The following FAM120B variants were observed in gnomAD, a reference collection of about 807,000 sequenced individuals.
FAM120B encodes the protein constitutive coactivator of peroxisome proliferator-activated receptor gamma.
FAM120B carries 83 observed loss-of-function variants against 96.3 expected under a neutral mutation model. That is an observed-to-expected ratio of 0.86 (90% CI 0.72 to 1.03). The LOEUF (loss-of-function observed/expected upper bound fraction) is 1.03. Among genes scored for constraint, FAM120B ranks in the 50% least tolerant of loss-of-function variants. The probability of loss-of-function intolerance (pLI) is 0.00; values close to 1 mark genes in which losing one functional copy is unlikely to be tolerated. For missense variants in FAM120B, 1,027 were observed against 1,121.2 expected (o/e 0.92, Z 1.20); for synonymous variants, 407 against 402.7 (o/e 1.01, Z -0.13).
upstream of FAM120B, among the ~76,000 whole-genome samples, chr6:170,294,278 A>T (rs1447072895): frequency 6.6e-6 from 1 of 152,224 alleles, no homozygotes; most frequent in Admixed American, 6.5e-5. This position sits in a 1 kb window ranked among gnomAD's most constrained non-coding sequence, Gnocchi z 7.9. Flanking sequence ...TTTATGTCTC[A>T]GGAAATTTAC....
upstream of FAM120B, among the ~76,000 whole-genome samples, chr6:170,293,731 CCTCCTTCTT>C (rs1225948241): frequency 6.6e-6 from 1 of 151,650 alleles, no homozygotes; most frequent in African/African-American, 2.4e-5. Flanking sequence ...TCTTCCTTCT[CCTCCTTCTT>C]CTCCTTCTTC....
intron 4 of FAM120B, among the ~76,000 whole-genome samples, chr6:170,338,932 T>C (rs1297614115): frequency 6.8e-6 from 1 of 146,646 alleles, no homozygotes. Flanking sequence ...GCACATGAAA[T>C]GGGTCTCCTG....
intron 6 of FAM120B, among the ~76,000 whole-genome samples, chr6:170,375,059 C>T (rs559859349): frequency 6.6e-6 from 1 of 152,304 alleles, no homozygotes; most frequent in South Asian, 2.1e-4. Context: ...GCTTTCAGCC[C>T]CTTGGCCAGG....
intron 6 of FAM120B, among the ~76,000 whole-genome samples, chr6:170,364,748 G>A (rs1448570926): frequency 2.6e-5 from 4 of 152,156 alleles, no homozygotes; most frequent in Non-Finnish European, 4.4e-5. Flanking sequence ...TCAGAGGCTG[G>A]TGCTGCTGAA....
At position 170,370,375 on chromosome 6, in the gene FAM120B, C is replaced by T. The variant is rs181395071; in HGVS notation, c.2283+12057C>T. On this transcript the variant is annotated intron_variant, in intron 6 of 10. Coordinates refer to ENST00000476287, the MANE Select transcript of FAM120B (RefSeq NM_032448.3). The surrounding 1 kb of genome is among the most constrained non-coding windows in gnomAD (Gnocchi z 4.3). ...GTCTGCTCTAAGATGCCCCAGCCAC[C>T]TGAGGGTCCATCACCCTTCCTCTGG... 3.3e-4 allele frequency among the ~76,000 whole-genome samples: 50 copies of T among 152,350 alleles called. No individual in the cohort carries two copies. The East Asian group carries it at 9.6e-3, about 29-fold the overall frequency.
At chr6:170,310,653 T>G (rs980566298) in intron 1 of FAM120B, among the ~76,000 whole-genome samples, 2 of 152,236 alleles carry the variant, frequency 1.3e-5, no homozygotes, top group Admixed American at 6.5e-5. Flanking sequence ...GTCTTTGACT[T>G]AAGAGGCTGC....
chr6:170,296,515 C>T (rs546357364), intron 1 of FAM120B, among the ~76,000 whole-genome samples: 1 of 151,896 alleles, frequency 6.6e-6, no homozygotes, highest in East Asian at 1.9e-4. Context: ...CGCAGCCTCG[C>T]GCCCGGCCGC....
rs543316489 is a variant in FAM120B at position 170,341,459 on chromosome 6, G to T, written c.2018-6692G>T. On this transcript the variant is annotated intron_variant, in intron 4 of 10. Transcript: ENST00000476287. ...CATGAGAATGGGACCCGCTGAGTGA[G>T]ACCACTTGGCTCCCTGGCTTCAGCC... is the stretch of plus-strand genomic sequence containing the variant. Among the ~76,000 whole-genome samples, 29 of 152,304 alleles carry T rather than the reference G, an allele frequency of 1.9e-4. No individual in the cohort carries two copies. In the South Asian group the frequency reaches 6.0e-3, roughly 32 times the overall value.
At chr6:170,378,274 T>A (rs1341355683) in intron 6 of FAM120B, among the ~76,000 whole-genome samples, 1 of 152,158 alleles carries the variant, frequency 6.6e-6, no homozygotes, top group Non-Finnish European at 1.5e-5. Flanking sequence ...AAGTTTTCTT[T>A]CTATAAGGAT....
chr6:170,390,098 G>A (rs1050516946), intron 7 of FAM120B, among the ~76,000 whole-genome samples: 4 of 152,164 alleles, frequency 2.6e-5, no homozygotes, highest in South Asian at 4.1e-4. Flanking sequence ...TTTAATACCC[G>A]CAGGGATGAG....
chr6:170,341,196 C>G (rs117476299), intron 4 of FAM120B, among the ~76,000 whole-genome samples: 9,203 of 152,274 alleles, frequency 0.06, 306 homozygotes, highest in Non-Finnish European at 0.069. Flanking sequence ...CAGAGATGCC[C>G]TACCCAGTGA....
At chr6:170,390,985 A>T in intron 7 of FAM120B, 28 bp from the exon 8 acceptor site, 1 of 1,597,864 alleles carries the variant, frequency 6.3e-7, no homozygotes, top group Non-Finnish European at 8.6e-7. Flanking sequence ...GGCCCCTCAC[A>T]TCTCATTTGC....
intron 6 of FAM120B, among the ~76,000 whole-genome samples, chr6:170,379,536 T>C (rs930278957): frequency 1.3e-5 from 2 of 152,218 alleles, no homozygotes; most frequent in African/African-American, 4.8e-5. Flanking sequence ...AGTGAGTATT[T>C]TGTTTCAGCG....
At chr6:170,366,103 A>T (rs1788777559) in intron 6 of FAM120B, among the ~76,000 whole-genome samples, 1 of 152,184 alleles carries the variant, frequency 6.6e-6, no homozygotes, top group Non-Finnish European at 1.5e-5. Flanking sequence ...GCATTCTGTC[A>T]TTCAGTGGCA....
intron 4 of FAM120B, among the ~76,000 whole-genome samples, chr6:170,347,179 T>A (rs545691022): frequency 1.9e-4 from 29 of 152,126 alleles, no homozygotes; most frequent in Admixed American, 4.6e-4. Flanking sequence ...TCTGAGGCCG[T>A]TTGGTTAGTA....
At chr6:170,357,526 T>G (rs1203077732) in intron 5 of FAM120B, among the ~76,000 whole-genome samples, 4 of 152,196 alleles carry the variant, frequency 2.6e-5, no homozygotes, top group Non-Finnish European at 4.4e-5. Context: ...TAGTAGGGTC[T>G]CATATTGTGG....
intron 8 of FAM120B, 131 bp from the exon 9 acceptor site, chr6:170,395,356 C>A (rs7738466): frequency 0.81 from 595,020 of 735,394 alleles, 249,177 homozygotes; most frequent in African/African-American, 0.89. Context: ...TGCGTTTTTT[C>A]ATGACCCTCC....
At chr6:170,338,974 A>C (rs1013364123) in intron 4 of FAM120B, among the ~76,000 whole-genome samples, 3 of 149,424 alleles carry the variant, frequency 2.0e-5, no homozygotes, top group Admixed American at 1.4e-4. Flanking sequence ...TTGACTCGTT[A>C]TCCAAATTGC....
At chr6:170,382,130 C>A (rs1274257038) in intron 6 of FAM120B, among the ~76,000 whole-genome samples, 1 of 152,068 alleles carries the variant, frequency 6.6e-6, no homozygotes, top group Non-Finnish European at 1.5e-5. Context: ...ACAAAAAAAA[C>A]TAGAGCTAGG....
Sources: allele counts gnomAD v4.1 joint callset (sites outside exome capture counted in the v4.1 genomes callset), GRCh38; gene constraint gnomAD v4.1.1; non-coding constraint Gnocchi (gnomAD v3.1); transcripts MANE v1.5; gene names NCBI Gene and HGNC (gene_info 2026-07-23, HGNC 2026-07-21).